The following CFHR4 variants were observed in gnomAD, a reference collection of about 807,000 sequenced individuals.
CFHR4 encodes the protein complement factor H-related protein 4.
A neutral mutation model predicts 69.3 loss-of-function variants in CFHR4; 64 were observed. The observed-to-expected ratio is 0.92, with a 90% confidence interval of 0.76 to 1.14. The LOEUF (loss-of-function observed/expected upper bound fraction) is 1.14. CFHR4 is among the 50% of genes most tolerant of loss of function. The pLI is 0.00. For missense variants in CFHR4, 636 were observed against 684.9 expected (o/e 0.93, Z 0.80); for synonymous variants, 244 against 237.0 (o/e 1.03, Z -0.27).
intron 9 of CFHR4, 147 bp from the exon 10 acceptor site, chr1:196,918,063 A>C (rs397840472): frequency 1.1e-5 from 10 of 878,848 alleles, no homozygotes; most frequent in East Asian, 3.6e-5. Context: ...GAAATGCTAA[A>C]GTCAGTATGT....
At chr1:196,914,367 A>C (rs1658454028) in intron 7 of CFHR4, 128 bp from the exon 8 acceptor site, 1 of 886,966 alleles carries the variant, frequency 1.1e-6, no homozygotes, top group East Asian at 2.9e-5. Context: ...TTGTCAGACT[A>C]TTTTTAATAG....
Position 196,888,112 on chromosome 1 carries a change from T to G in CFHR4, c.-39T>G. The G allele has an allele frequency of 6.3e-7, 1 of 1,595,788 alleles. No individual in the cohort carries two copies. Among genetic ancestry groups the G allele is most frequent in the Non-Finnish European group, 8.6e-7 (1 of 1,165,710 alleles). On this transcript the variant is annotated 5_prime_UTR_variant, in exon 1 of 10. Coordinates refer to ENST00000608469, the MANE Select transcript of CFHR4 (RefSeq NM_001201550.3). ...GATTTCAAACCCCAAACAGTGCAAC[T>G]GAAACTTTTGCATTACTATACTACT...
At chr1:196,914,401 G>C in intron 7 of CFHR4, 94 bp from the exon 8 acceptor site, 2 of 1,329,470 alleles carry the variant, frequency 1.5e-6, no homozygotes, top group African/African-American at 3.0e-5. Flanking sequence ...AGCACACACT[G>C]ATTGGTAAAT....
chr1:196,890,129 G>A (rs1235431156), intron 1 of CFHR4, among the ~76,000 whole-genome samples: 1 of 151,400 alleles, frequency 6.6e-6, no homozygotes, highest in Non-Finnish European at 1.5e-5. Flanking sequence ...TCATGGATAC[G>A]TATATACCCA....
In CFHR4 at chr1:196,910,464, C is replaced by T. The variant is rs200497324; in HGVS notation, c.983C>T (p.Thr328Ile). 1.4e-3 allele frequency: 2,264 copies of T among 1,611,948 alleles called. 18 individuals are homozygous for T. Among genetic ancestry groups the T allele is most frequent in the Non-Finnish European group, 1.7e-3 (2,037 of 1,178,986 alleles). The change falls in exon 6 of 10, where the codon ACA becomes ATA. Residue 328 changes from threonine (T) to isoleucine (I), a missense_variant. By Grantham distance (89) the Thr-to-Ile change is moderately conservative (BLOSUM62 -1). This residue lies in a region of CFHR4 where 529 missense variants were observed against 533.2 expected (regional missense o/e 0.99). Transcript: ENST00000608469. ...TGCACACAAGATGGGTGGTTGCCAACAGTCCCATGCCTCAGTAAGCAAACC... is the reference window on the plus strand; with the variant it reads ...TGCACACAAGATGGGTGGTTGCCAATAGTCCCATGCCTCAGTAAGCAAACC... The part of the protein sequence containing the change: ...IHCTQDGWLP[T>I]VPCLRTCSKS...
chr1:196,907,100 A>G, intron 4 of CFHR4, 63 bp downstream of exon 4: 4 of 1,359,834 alleles, frequency 2.9e-6, no homozygotes, highest in Non-Finnish European at 4.1e-6. Flanking sequence ...ATACATATGT[A>G]TATGTACACA....
intron 6 of CFHR4, among the ~76,000 whole-genome samples, chr1:196,911,723 A>C (rs1172757305): frequency 6.6e-6 from 1 of 151,574 alleles, no homozygotes; most frequent in African/African-American, 2.4e-5. Flanking sequence ...GGCCTAAGCC[A>C]CTGAAAGAAA....
At chr1:196,888,562 G>C (rs1656851369) in intron 1 of CFHR4, among the ~76,000 whole-genome samples, 1 of 151,014 alleles carries the variant, frequency 6.6e-6, no homozygotes, top group Non-Finnish European at 1.5e-5. Context: ...CATAATACAA[G>C]GGAAACTTTG....
At chr1:196,908,588 A>G (rs570123296) in intron 5 of CFHR4, among the ~76,000 whole-genome samples, 1 of 151,588 alleles carries the variant, frequency 6.6e-6, no homozygotes, top group African/African-American at 2.4e-5. Flanking sequence ...TACTCTTAGA[A>G]TTTTGTCCCA....
At chr1:196,897,559 T>C (rs1487407117) in intron 1 of CFHR4, among the ~76,000 whole-genome samples, 1 of 151,280 alleles carries the variant, frequency 6.6e-6, no homozygotes, top group East Asian at 1.9e-4. Context: ...TCTCAGCAAG[T>C]TGGATAGGGA....
chr1:196,911,529 G>C (rs1658269360), intron 6 of CFHR4, among the ~76,000 whole-genome samples: 1 of 151,438 alleles, frequency 6.6e-6, no homozygotes, highest in Non-Finnish European at 1.5e-5. Flanking sequence ...AATTAAGGCT[G>C]ATCTTCAGTT....
At chr1:196,915,649 TA>T (rs1658571478) in intron 9 of CFHR4, among the ~76,000 whole-genome samples, 1 of 146,664 alleles carries the variant, frequency 6.8e-6, no homozygotes, top group African/African-American at 2.5e-5. Flanking sequence ...AATAAAAAAA[TA>T]AAAAATAAAA....
At chr1:196,893,612 C>T (rs1421097934) in intron 1 of CFHR4, among the ~76,000 whole-genome samples, 1 of 151,428 alleles carries the variant, frequency 6.6e-6, no homozygotes, top group Admixed American at 6.6e-5. Context: ...ATATATTTCA[C>T]TACACAATTG....
At chr1:196,914,303 G>A (rs1433681218) in intron 7 of CFHR4, among the ~76,000 whole-genome samples, 192 bp from the exon 8 acceptor site, 2 of 151,436 alleles carry the variant, frequency 1.3e-5, no homozygotes, top group Non-Finnish European at 2.9e-5. Context: ...AGAATATACA[G>A]AGAGAAATAT....
chr1:196,916,720 G>A lies in CFHR4; in HGVS notation c.1541-1490G>A, dbSNP rs1396020173. Among the ~76,000 whole-genome samples, 586 of 148,956 alleles carry A rather than the reference G, an allele frequency of 3.9e-3. 17 individuals carry two copies. Among genetic ancestry groups the A allele is most frequent in the African/African-American group, 0.014 (563 of 40,074 alleles). On this transcript the variant is annotated intron_variant, in intron 9 of 9. Coordinates refer to ENST00000608469, the MANE Select transcript of CFHR4 (RefSeq NM_001201550.3). The stretch of plus-strand genomic sequence containing the variant: ...TCTGAGTCTCAAATTTGATTGAATG[G>A]GGAGATGGACACTCCTAAGATGGGT...
intron 9 of CFHR4, among the ~76,000 whole-genome samples, chr1:196,915,401 G>T (rs898874579): frequency 6.6e-6 from 1 of 151,450 alleles, no homozygotes; most frequent in Non-Finnish European, 1.5e-5. Flanking sequence ...ACTTTGGAAG[G>T]CCGAGGCAGG....
At chr1:196,895,021 T>C (rs1257368155) in intron 1 of CFHR4, among the ~76,000 whole-genome samples, 1 of 151,392 alleles carries the variant, frequency 6.6e-6, no homozygotes, top group East Asian at 1.9e-4. Flanking sequence ...GATCACATCA[T>C]TGCATTCTGG....
Position 196,909,728 on chromosome 1 carries a change from A to G in CFHR4, c.800-553A>G, listed in dbSNP as rs2878725. Among the ~76,000 whole-genome samples the G allele has an allele frequency of 1.7e-3, 259 of 151,540 alleles. 8 individuals carry two copies. Among genetic ancestry groups the G allele is most frequent in the African/African-American group, 6.0e-3 (246 of 41,138 alleles). ...AGTTTACCATGGAAGAACTGGGCTT[A>G]ATACCTAGCGTATGGGTTGATAGGT... On this transcript the variant is annotated intron_variant, in intron 5 of 9. Transcript: ENST00000608469.
intron 1 of CFHR4, among the ~76,000 whole-genome samples, chr1:196,898,475 G>A (rs1221289172): frequency 6.6e-6 from 1 of 151,432 alleles, no homozygotes; most frequent in Non-Finnish European, 1.5e-5. Flanking sequence ...AACAATTATT[G>A]TAAACTAAAA....
Sources: allele counts gnomAD v4.1 joint callset (sites outside exome capture counted in the v4.1 genomes callset), GRCh38; gene constraint gnomAD v4.1.1; regional missense constraint gnomAD v4.1.1; transcripts MANE v1.5; gene names NCBI Gene and HGNC (gene_info 2026-07-23, HGNC 2026-07-21).